ATRNL1: variants seen among roughly 807,000 people sequenced by gnomAD.
ATRNL1 encodes the protein attractin-like protein 1.
A neutral mutation model predicts 182.7 loss-of-function variants in ATRNL1; 95 were observed. The observed-to-expected ratio is 0.52, with a 90% CI of 0.44 to 0.62. The LOEUF (loss-of-function observed/expected upper bound fraction) is 0.62. ATRNL1 is among the 20% of genes least tolerant of loss of function. The probability of loss-of-function intolerance (pLI) is 0.00; values close to 1 mark genes in which losing one functional copy is unlikely to be tolerated. For synonymous variants in ATRNL1, 576 were observed against 568.3 expected, an observed-to-expected ratio of 1.01 and a Z score of -0.19; for missense variants, 1,471 against 1,679.5, an observed-to-expected ratio of 0.88 and a Z score of 2.17.
At chr10:115,926,114 C>T (rs2134577983) in intron 28 of ATRNL1, among the ~76,000 whole-genome samples, 1 of 152,304 alleles carries the variant, frequency 6.6e-6, no homozygotes, top group East Asian at 1.9e-4. Context: ...CCACTCAAAA[C>T]TGCACAACTA....
intron 28 of ATRNL1, among the ~76,000 whole-genome samples, chr10:115,875,813 T>C (rs1241715539): frequency 6.6e-6 from 1 of 152,164 alleles, no homozygotes; most frequent in African/African-American, 2.4e-5. Flanking sequence ...ATTGTGATCA[T>C]TGCAGTAAAG....
At chr10:115,519,141 T>C in intron 24 of ATRNL1, 122 bp from the exon 25 acceptor site, 1 of 798,264 alleles carries the variant, frequency 1.3e-6, no homozygotes, top group South Asian at 1.7e-5. Context: ...ATATTTGATT[T>C]ATAATATCAT....
At chr10:115,597,329 A>G (rs1856307427) in intron 26 of ATRNL1, among the ~76,000 whole-genome samples, 1 of 152,136 alleles carries the variant, frequency 6.6e-6, no homozygotes, top group South Asian at 2.1e-4. Context: ...TTATTGTTTT[A>G]TGAAAGGTTG....
intron 13 of ATRNL1, among the ~76,000 whole-genome samples, chr10:115,269,345 G>GT (rs558301171): frequency 0.012 from 1,799 of 151,920 alleles, 34 homozygotes; most frequent in African/African-American, 0.04. Context: ...GTTTTGTTTT[G>GT]TTTTTTTGAG....
Position 115,947,413 on chromosome 10 carries a change from C to T in ATRNL1, c.*2634C>T, listed in dbSNP as rs1456506192. 1 of 152,198 alleles carries T rather than the reference C, an allele frequency of 6.6e-6. No homozygotes were observed. Among genetic ancestry groups the T allele is most frequent in the South Asian group, 2.1e-4 (1 of 4,806 alleles). The allele number at this position is 152,198 out of a possible 1,614,324, so 9.4% of individuals were successfully genotyped here. The stretch of plus-strand genomic sequence containing the variant: ...CCTTAGATTTTTAGGATGTTTTATT[C>T]TGCCAAGTATGAAAAAAAAATGGTT... On this transcript the variant is annotated 3_prime_UTR_variant, in exon 29 of 29. Transcript: ENST00000355044.
intron 9 of ATRNL1, among the ~76,000 whole-genome samples, chr10:115,230,767 A>G (rs1849889937): frequency 6.6e-6 from 1 of 152,028 alleles, no homozygotes; most frequent in East Asian, 1.9e-4. Flanking sequence ...CTGGAACCAT[A>G]GAGGCCAATG....
chr10:115,396,456 GA>G (rs1326538766), intron 20 of ATRNL1, among the ~76,000 whole-genome samples: 2 of 151,912 alleles, frequency 1.3e-5, no homozygotes, highest in African/African-American at 4.8e-5. Context: ...TCATCATCTT[GA>G]AATTCTTAAT....
Position 115,782,699 on chromosome 10 carries a change from C to A in ATRNL1, c.3903+55344C>A, listed in dbSNP as rs868995506. On this transcript the variant is annotated intron_variant, in intron 27 of 28. Coordinates refer to ENST00000355044, the MANE Select transcript of ATRNL1 (RefSeq NM_207303.4). Reference sequence around the variant, plus strand: ...TTGGATCTTTTAGAAAATCATTTTACCTCTCTGACCTTCAGATTTTCAATC... The same window carrying A: ...TTGGATCTTTTAGAAAATCATTTTAACTCTCTGACCTTCAGATTTTCAATC... Among the ~76,000 whole-genome samples, 4 of 152,272 alleles carry A rather than the reference C, an allele frequency of 2.6e-5. No homozygotes were observed. In the South Asian group the frequency reaches 8.3e-4, roughly 32 times the overall value.
chr10:115,625,855 C>T (rs1555024497), intron 26 of ATRNL1, among the ~76,000 whole-genome samples: 1 of 152,066 alleles, frequency 6.6e-6, no homozygotes, highest in Admixed American at 6.6e-5. Context: ...ATGACATTTC[C>T]AATCCTCCAA....
chr10:115,362,119 C>T (rs1468357055), intron 19 of ATRNL1, among the ~76,000 whole-genome samples: 4 of 151,938 alleles, frequency 2.6e-5, no homozygotes, highest in Non-Finnish European at 5.9e-5. Flanking sequence ...CTTCTCATAA[C>T]AGCAGGTTAA....
intron 26 of ATRNL1, among the ~76,000 whole-genome samples, chr10:115,699,832 T>A (rs1338754236): frequency 2.0e-5 from 3 of 152,252 alleles, no homozygotes; most frequent in Non-Finnish European, 4.4e-5. Context: ...TCTCAGCCCT[T>A]TCCTCCTGCT....
chr10:115,390,004 A>T (rs1043050209), intron 19 of ATRNL1, among the ~76,000 whole-genome samples: 81 of 152,274 alleles, frequency 5.3e-4, no homozygotes, highest in African/African-American at 1.9e-3. Flanking sequence ...GCTTTTAAAA[A>T]AAATTTATTT....
At chr10:115,267,994 C>T (rs1851679363) in intron 12 of ATRNL1, among the ~76,000 whole-genome samples, 1 of 152,054 alleles carries the variant, frequency 6.6e-6, no homozygotes, top group Admixed American at 6.6e-5. Flanking sequence ...CTCCTGACCT[C>T]AAGTGATCCG....
chr10:115,944,938 T>C lies in ATRNL1; in HGVS notation c.*159T>C. Reference sequence around the variant, plus strand: ...GACAATGACCCAGGTGGCCAAAGAATGTTCATGAGTTTTATAAAAGTATTG... The same window carrying C: ...GACAATGACCCAGGTGGCCAAAGAACGTTCATGAGTTTTATAAAAGTATTG... On this transcript the variant is annotated 3_prime_UTR_variant, in exon 29 of 29. Coordinates refer to ENST00000355044, the MANE Select transcript of ATRNL1 (RefSeq NM_207303.4). 2 of 783,858 alleles carry C rather than the reference T, an allele frequency of 2.6e-6. No homozygotes were observed. Among genetic ancestry groups the C allele is most frequent in the Non-Finnish European group, 3.6e-6 (2 of 550,292 alleles). The allele number at this position is 783,858 out of a possible 1,614,324, so 48.6% of individuals were successfully genotyped here.
intron 28 of ATRNL1, among the ~76,000 whole-genome samples, chr10:115,890,876 T>G (rs1043773734): frequency 2.6e-5 from 4 of 152,148 alleles, no homozygotes; most frequent in African/African-American, 7.2e-5. Context: ...AGAAGAATAT[T>G]CAGTTTGGAT....
intron 17 of ATRNL1, among the ~76,000 whole-genome samples, chr10:115,313,086 T>TACTA (rs1233250487): frequency 6.6e-6 from 1 of 152,054 alleles, no homozygotes; most frequent in Non-Finnish European, 1.5e-5. Flanking sequence ...TTTTATCTCC[T>TACTA]TGAGTAACAT....
At chr10:115,542,171 C>T (rs1852397034) in intron 25 of ATRNL1, among the ~76,000 whole-genome samples, 1 of 152,042 alleles carries the variant, frequency 6.6e-6, no homozygotes, top group Admixed American at 6.6e-5. Context: ...AATATGCCAT[C>T]AGATGAGGCT....
intron 21 of ATRNL1, among the ~76,000 whole-genome samples, chr10:115,429,172 T>C (rs1329087549): frequency 6.6e-6 from 1 of 152,124 alleles, no homozygotes; most frequent in African/African-American, 2.4e-5. Context: ...TTTTCAGTTT[T>C]TGTTGCTGTT....
chr10:115,445,026 C>T (rs1286896700), intron 21 of ATRNL1, among the ~76,000 whole-genome samples: 2 of 151,774 alleles, frequency 1.3e-5, no homozygotes, highest in Non-Finnish European at 2.9e-5. Context: ...CCACTGCACC[C>T]GACCCTGAAA....
Sources: allele counts gnomAD v4.1 joint callset (sites outside exome capture counted in the v4.1 genomes callset), GRCh38; gene constraint gnomAD v4.1.1; transcripts MANE v1.5; gene names NCBI Gene and HGNC (gene_info 2026-07-23, HGNC 2026-07-21).